The following TRANK1 variants were observed in gnomAD, a reference collection of about 807,000 sequenced individuals.
TRANK1 encodes TPR and ankyrin repeat-containing protein 1.
TRANK1 carries 198 observed loss-of-function variants against 266.0 expected under a neutral mutation model. That is an observed-to-expected ratio of 0.74 (90% CI 0.66 to 0.84). The LOEUF is 0.84. Among genes scored for constraint, TRANK1 ranks in the 40% least tolerant of loss-of-function variants. The pLI is 0.00. For synonymous variants in TRANK1, 1,396 were observed against 1,384.1 expected, an observed-to-expected ratio of 1.01 and a Z score of -0.19; for missense variants, 3,326 against 3,634.6, an observed-to-expected ratio of 0.92 and a Z score of 2.18.
chr3:36,936,936 T>C (rs1362273720), intron 1 of TRANK1, among the ~76,000 whole-genome samples: 1 of 149,672 alleles, frequency 6.7e-6, no homozygotes. Flanking sequence ...ATCCTGTCTC[T>C]ACTAAAAATA....
chr3:36,838,334 C>A lies in TRANK1; in HGVS notation c.5517+38G>T, dbSNP rs766762606. On this transcript the variant is annotated intron_variant, in intron 20 of 23. Transcript: ENST00000645898. ...CCCCTCAATCTGCTCAAGTGAAGCC[C>A]AGTTTTCCCTGGAGCAGCAGCGGAC... The A allele has an allele frequency of 5.0e-6, 8 of 1,609,980 alleles. No homozygotes were observed. In the South Asian group the frequency reaches 8.8e-5, roughly 18 times the overall value.
chr3:36,869,288 A>G (rs1435652645), intron 9 of TRANK1, among the ~76,000 whole-genome samples: 5 of 152,236 alleles, frequency 3.3e-5, no homozygotes, highest in African/African-American at 1.2e-4. Context: ...AATCTTTAGC[A>G]AGACCCTTTA....
chr3:36,855,773 G>A lies in TRANK1; in HGVS notation c.3949C>T (p.Pro1317Ser). ...AVEMRTGDSD[P>S]RVYVTFEVFK... is the part of the protein sequence containing the mutation. ...ACCTCAAACGTCACGTACACCCGGG[G>A]GTCACTGTCACCCGTACGCATTTCT... The change falls in exon 13 of 24, where the codon CCC becomes TCC. Residue 1317 changes from proline (P) to serine (S), a missense_variant. Transcript: ENST00000645898. 6.2e-7 allele frequency: 1 copy of A among 1,613,412 alleles called. No individual in the cohort carries two copies. Among genetic ancestry groups the A allele is most frequent in the Non-Finnish European group, 8.5e-7 (1 of 1,179,784 alleles).
Position 36,944,798 on chromosome 3 carries a change from CG to C in TRANK1, c.11del (p.Pro4ArgfsTer8). The C allele has an allele frequency of 6.7e-7, 1 of 1,493,320 alleles. No individual in the cohort carries two copies. The highest frequency in any genetic ancestry group is 2.9e-5 in the East Asian group (1 of 35,046). The allele number at this position is 1,493,320 out of a possible 1,614,324, so 92.5% of individuals were successfully genotyped here. ...GCGCCGCTACGCACCTAGCTGCCCG[CG>C]GGTCCCACATGGCTGCGGCCGGAGG... MWD[P>X]RAARMDLTAY... On this transcript the variant is annotated frameshift_variant, in exon 1 of 24. Coordinates refer to ENST00000645898, the MANE Select transcript of TRANK1 (RefSeq NM_001329998.2). LOFTEE classifies it high-confidence loss of function.
intron 9 of TRANK1, among the ~76,000 whole-genome samples, chr3:36,869,340 A>G (rs2079272366): frequency 6.6e-6 from 1 of 152,250 alleles, no homozygotes; most frequent in Non-Finnish European, 1.5e-5. Flanking sequence ...CCTAAGAGAT[A>G]AGGACCACTG....
At chr3:36,876,898 A>C (rs772558623) in intron 8 of TRANK1, among the ~76,000 whole-genome samples, 1 of 152,152 alleles carries the variant, frequency 6.6e-6, no homozygotes, top group Non-Finnish European at 1.5e-5. Context: ...GGAGCTAACC[A>C]TATCTAGACG....
At chr3:36,830,222 G>A (rs564206231) in intron 22 of TRANK1, among the ~76,000 whole-genome samples, 4 of 152,084 alleles carry the variant, frequency 2.6e-5, no homozygotes, top group African/African-American at 9.6e-5. Context: ...GGCTGAGGCA[G>A]GTGAATCATT....
At position 36,879,665 on chromosome 3, in the gene TRANK1, T is replaced by TATATATAA. The variant is rs1201600631; in HGVS notation, c.908-5377_908-5370dup. On this transcript the variant is annotated intron_variant, in intron 8 of 23. Transcript: ENST00000645898. ...ATACAAATATATATAAATATATAAA[T>TATATATAA]ATATATAAATATATAAATATATAAA... Among the ~76,000 whole-genome samples, 55 of 55,046 alleles carry TATATATAA rather than the reference T, an allele frequency of 1.0e-3. 10 individuals are homozygous for TATATATAA. Among genetic ancestry groups the TATATATAA allele is most frequent in the East Asian group, 2.8e-3 (5 of 1,804 alleles). The allele number at this position is 55,046 out of a possible 152,430, so 36.1% of individuals were successfully genotyped here.
At chr3:36,864,836 G>C (rs1236613397) in intron 9 of TRANK1, among the ~76,000 whole-genome samples, 1 of 152,104 alleles carries the variant, frequency 6.6e-6, no homozygotes. Context: ...GAACAGGAAG[G>C]AATTGGCCTA....
intron 10 of TRANK1, among the ~76,000 whole-genome samples, chr3:36,864,096 T>A (rs1226157236): frequency 6.6e-6 from 1 of 152,214 alleles, no homozygotes; most frequent in African/African-American, 2.4e-5. Context: ...GAAGGACACA[T>A]AACAAGCTAG....
chr3:36,878,018 T>C (rs2079414475), intron 8 of TRANK1, among the ~76,000 whole-genome samples: 1 of 148,542 alleles, frequency 6.7e-6, no homozygotes, highest in South Asian at 2.1e-4. Flanking sequence ...GAGTCAATAG[T>C]TTAGATCAGG....
intron 13 of TRANK1, among the ~76,000 whole-genome samples, chr3:36,854,166 G>T (rs1367361597): frequency 2.0e-5 from 3 of 152,128 alleles, no homozygotes; most frequent in Non-Finnish European, 4.4e-5. Flanking sequence ...TTCAAGACCA[G>T]CCTGACGAAC....
intron 6 of TRANK1, 49 bp downstream of exon 6, chr3:36,892,852 C>CATATATATATATATATAT (rs60833390): frequency 5.2e-6 from 3 of 582,050 alleles, no homozygotes; most frequent in Non-Finnish European, 4.5e-6. Flanking sequence ...CAAAACAAAA[C>CATATATATATATATATAT]ATATATATAT....
chr3:36,880,513 T>A (rs4340652), intron 8 of TRANK1: 55,984 of 174,974 alleles, frequency 0.32, 10,092 homozygotes, highest in East Asian at 0.56. Context: ...CTCTGGAGAA[T>A]CTAAATTTTC....
intron 10 of TRANK1, among the ~76,000 whole-genome samples, chr3:36,863,440 T>C (rs772850355): frequency 1.3e-5 from 2 of 152,224 alleles, no homozygotes; most frequent in Non-Finnish European, 2.9e-5. Context: ...CTACATCTAA[T>C]AGATCCCATA....
At chr3:36,905,937 A>G (rs1321492757) in intron 2 of TRANK1, among the ~76,000 whole-genome samples, 1 of 152,180 alleles carries the variant, frequency 6.6e-6, no homozygotes, top group Non-Finnish European at 1.5e-5. Flanking sequence ...GGCAAGGGGA[A>G]CAGTGTCAGG....
chr3:36,911,481 A>G (rs2125635636), intron 1 of TRANK1, among the ~76,000 whole-genome samples: 1 of 152,286 alleles, frequency 6.6e-6, no homozygotes, highest in South Asian at 2.1e-4. Flanking sequence ...AAAACTCTTC[A>G]TTTCAATATT....
intron 9 of TRANK1, among the ~76,000 whole-genome samples, chr3:36,870,418 A>G (rs1212462181): frequency 1.5e-5 from 2 of 131,906 alleles, no homozygotes; most frequent in Admixed American, 7.5e-5. Context: ...AAAAAAAAAA[A>G]AAAGAGAGAG....
chr3:36,877,599 C>T (rs1431219787), intron 8 of TRANK1, among the ~76,000 whole-genome samples: 1 of 152,098 alleles, frequency 6.6e-6, no homozygotes, highest in Non-Finnish European at 1.5e-5. Context: ...ATGAAACTGC[C>T]ATGCAGATAC....
Sources: allele counts gnomAD v4.1 joint callset (sites outside exome capture counted in the v4.1 genomes callset), GRCh38; gene constraint gnomAD v4.1.1; transcripts MANE v1.5; gene names NCBI Gene and HGNC (gene_info 2026-07-23, HGNC 2026-07-21).